Variants in CCSER1 observed in about 807,000 individuals in gnomAD.
The protein encoded by CCSER1 is coiled-coil serine rich protein 1, also known as serine-rich coiled-coil domain-containing protein 1.
A neutral mutation model predicts 82.0 loss-of-function variants in CCSER1; 41 were observed. The observed-to-expected ratio is 0.50, with a 90% CI of 0.39 to 0.65. The LOEUF is 0.65. CCSER1 is among the 30% of genes least tolerant of loss of function. The pLI is 0.00. For missense variants in CCSER1, 1,119 were observed against 1,064.2 expected (o/e 1.05, Z -0.72); for synonymous variants, 414 against 383.9 (o/e 1.08, Z -0.92).
Position 90,136,433 on chromosome 4 carries a change from T to C in CCSER1, c.-42+8602T>C, listed in dbSNP as rs1046276352. 3.3e-5 allele frequency among the ~76,000 whole-genome samples: 5 copies of C among 152,222 alleles called. 1 individual carries two copies. Among genetic ancestry groups the C allele is most frequent in the African/African-American group, 1.2e-4 (5 of 41,452 alleles). On this transcript the variant is annotated intron_variant, in intron 1 of 10. Transcript: ENST00000509176. ...AGCCTTTATGGGGATATCAGTGATA[T>C]ACCATTCTTATTAAACAAATTCAGA... is the stretch of plus-strand genomic sequence containing the variant.
intron 5 of CCSER1, among the ~76,000 whole-genome samples, chr4:90,478,479 G>T (rs568911126): frequency 2.6e-5 from 4 of 152,036 alleles, no homozygotes; most frequent in Non-Finnish European, 5.9e-5. Context: ...ATAAATTAGG[G>T]TTGTAAACTA....
chr4:90,135,448 T>C (rs1723512800), intron 1 of CCSER1, among the ~76,000 whole-genome samples: 1 of 152,188 alleles, frequency 6.6e-6, no homozygotes, highest in African/African-American at 2.4e-5. Flanking sequence ...AGCCATTTTA[T>C]CTGCCAGCAG....
At chr4:91,468,338 C>T (rs968913027) in intron 10 of CCSER1, among the ~76,000 whole-genome samples, 1 of 152,030 alleles carries the variant, frequency 6.6e-6, no homozygotes, top group African/African-American at 2.4e-5. Flanking sequence ...GAACATGACA[C>T]ACCTGGGCCT....
intron 7 of CCSER1, among the ~76,000 whole-genome samples, chr4:90,749,862 G>A (rs201315233): frequency 0.19 from 27,990 of 150,482 alleles, 3,175 homozygotes; most frequent in South Asian, 0.26. Context: ...CTGAGGAATC[G>A]CCACACTGAC....
intron 10 of CCSER1, among the ~76,000 whole-genome samples, chr4:91,558,548 A>G (rs193115200): frequency 6.6e-6 from 1 of 151,748 alleles, no homozygotes; most frequent in Non-Finnish European, 1.5e-5. Context: ...TTTTCACACT[A>G]CTGATAAAGG....
intron 1 of CCSER1, among the ~76,000 whole-genome samples, chr4:90,219,504 A>T (rs1158059484): frequency 6.6e-6 from 1 of 152,148 alleles, no homozygotes; most frequent in Non-Finnish European, 1.5e-5. Flanking sequence ...ATTATTATAT[A>T]TATGTTGTCG....
In CCSER1 at chr4:91,472,759, G is replaced by T. The variant is rs376571602; in HGVS notation, c.2218-125813G>T. Among the ~76,000 whole-genome samples the T allele has an allele frequency of 4.4e-4, 67 of 152,178 alleles. 2 individuals are homozygous for T. In the South Asian group the frequency reaches 0.012, roughly 27 times the overall value. On this transcript the variant is annotated intron_variant, in intron 10 of 10. Coordinates refer to ENST00000509176, the MANE Select transcript of CCSER1 (RefSeq NM_001145065.2). ...CTTAGGAGATGTTAGCAGTATCACA[G>T]GTCATACCTTATGACAAGCCTTAAC...
intron 1 of CCSER1, among the ~76,000 whole-genome samples, chr4:90,186,049 C>T (rs1359491416): frequency 6.6e-6 from 1 of 151,942 alleles, no homozygotes; most frequent in Admixed American, 6.6e-5. Flanking sequence ...ATAATGTATT[C>T]AACAGCTCTC....
At chr4:90,486,558 C>T (rs1437873262) in intron 5 of CCSER1, among the ~76,000 whole-genome samples, 1 of 152,210 alleles carries the variant, frequency 6.6e-6, no homozygotes, top group Admixed American at 6.5e-5. Context: ...GGTGATGAAT[C>T]ATGTCTGGTC....
chr4:91,603,571 T>C lies in CCSER1; in HGVS notation c.*4514T>C, dbSNP rs2110370438. 6.6e-6 allele frequency: 1 copy of C among 152,246 alleles called. No individual in the cohort carries two copies. The highest frequency in any genetic ancestry group is 2.1e-4 in the South Asian group (1 of 4,832). The allele number at this position is 152,246 out of a possible 1,614,324, so 9.4% of individuals were successfully genotyped here. ...GATCTAGAATATGGGATACCACGGT[T>C]CTTTTTAGAGCATTTTCAGTGTAGC... is the stretch of plus-strand genomic sequence containing the variant. On this transcript the variant is annotated 3_prime_UTR_variant, in exon 11 of 11. Transcript: ENST00000509176.
intron 8 of CCSER1, among the ~76,000 whole-genome samples, chr4:90,818,548 A>T (rs2149778070): frequency 6.6e-6 from 1 of 152,294 alleles, no homozygotes; most frequent in South Asian, 2.1e-4. Flanking sequence ...AAGTGCTGGG[A>T]TTACAGATGT....
chr4:91,476,123 T>C (rs1166072202), intron 10 of CCSER1, among the ~76,000 whole-genome samples: 1 of 151,876 alleles, frequency 6.6e-6, no homozygotes, highest in East Asian at 1.9e-4. Context: ...ATTGCTTCAA[T>C]ATACTGATTT....
At chr4:91,440,627 A>T (rs1200568282) in intron 10 of CCSER1, among the ~76,000 whole-genome samples, 2 of 152,236 alleles carry the variant, frequency 1.3e-5, no homozygotes, top group African/African-American at 4.8e-5. Flanking sequence ...ATCAGAGCAG[A>T]ACTGAAGGAA....
chr4:91,223,219 A>T (rs1737888650), intron 10 of CCSER1, among the ~76,000 whole-genome samples: 1 of 152,150 alleles, frequency 6.6e-6, no homozygotes, highest in Non-Finnish European at 1.5e-5. Flanking sequence ...CAGGCAATAG[A>T]TAGTGAGTTC....
At chr4:91,102,046 T>C (rs915545909) in intron 10 of CCSER1, among the ~76,000 whole-genome samples, 2 of 152,316 alleles carry the variant, frequency 1.3e-5, no homozygotes, top group Admixed American at 1.3e-4. Flanking sequence ...GGGAGACTTA[T>C]GAGGCCTCAG....
chr4:90,277,972 T>G (rs1728146500), intron 1 of CCSER1, among the ~76,000 whole-genome samples: 1 of 151,952 alleles, frequency 6.6e-6, no homozygotes, highest in Non-Finnish European at 1.5e-5. Flanking sequence ...ATAAGGAACT[T>G]AATTCAGCAA....
At chr4:91,400,861 T>C (rs569785278) in intron 10 of CCSER1, among the ~76,000 whole-genome samples, 2 of 151,980 alleles carry the variant, frequency 1.3e-5, no homozygotes, top group East Asian at 3.9e-4. Flanking sequence ...TCTTTTGGCT[T>C]CCTTGTTACC....
At chr4:91,441,975 T>C (rs1755188417) in intron 10 of CCSER1, among the ~76,000 whole-genome samples, 2 of 151,992 alleles carry the variant, frequency 1.3e-5, no homozygotes, top group Non-Finnish European at 2.9e-5. Flanking sequence ...TAAAAGAGAA[T>C]ACAAACAAAT....
At chr4:91,162,880 AG>A (rs1281752097) in intron 10 of CCSER1, among the ~76,000 whole-genome samples, 1 of 152,090 alleles carries the variant, frequency 6.6e-6, no homozygotes, top group Non-Finnish European at 1.5e-5. Context: ...TCAAAAAACC[AG>A]CTCCTGGATT....
Sources: gnomAD v4.1 joint callset for allele counts (sites outside exome capture counted in the v4.1 genomes callset) on GRCh38, gnomAD v4.1.1 for gene constraint, MANE v1.5 for transcripts, NCBI Gene and HGNC (gene_info 2026-07-23, HGNC 2026-07-21) for gene names.